NCAM2: variants seen among roughly 807,000 people sequenced by gnomAD.
NCAM2 encodes N-CAM-2.
NCAM2 carries 30 observed loss-of-function variants against 98.1 expected under a neutral mutation model. The observed-to-expected ratio is 0.31, with a 90% CI of 0.23 to 0.41. NCAM2 has a LOEUF of 0.41. Among genes scored for constraint, NCAM2 ranks in the 10% least tolerant of loss-of-function variants. NCAM2 has a pLI of 1.00. For missense variants in NCAM2, 867 were observed against 1,005.8 expected (o/e 0.86, Z 1.87); for synonymous variants, 368 against 342.4 (o/e 1.07, Z -0.83).
chr21:21,060,161 T>A (rs1379437604), intron 1 of NCAM2, among the ~76,000 whole-genome samples: 2 of 152,110 alleles, frequency 1.3e-5, no homozygotes, highest in Non-Finnish European at 2.9e-5. Flanking sequence ...CCACTGCTGT[T>A]AAATTTAATT....
chr21:21,541,050 A>T lies in NCAM2; in HGVS notation c.*3093A>T, dbSNP rs538616618. On this transcript the variant is annotated 3_prime_UTR_variant, in exon 18 of 18. Coordinates refer to ENST00000400546, the MANE Select transcript of NCAM2 (RefSeq NM_004540.5). ...ACTATAAAAGCATTTTTCAAAGGCT[A>T]TTTGATCCAGCACACTTCATATGGA... 7 of 151,840 alleles carry T rather than the reference A, an allele frequency of 4.6e-5. No homozygotes were observed. In the South Asian group the frequency reaches 1.2e-3, roughly 27 times the overall value. The allele number at this position is 151,840 out of a possible 1,614,324, so 9.4% of individuals were successfully genotyped here.
rs559558776 is a variant in NCAM2, at chr21:21,266,933, T to C, written c.56-13645T>C. On this transcript the variant is annotated intron_variant, in intron 1 of 17. Transcript: ENST00000400546. ...GAGCACACAGAGAGACATATGCAGG[T>C]TTGTTGCACAGGTAAACTTGTGTCA... 3.8e-4 allele frequency among the ~76,000 whole-genome samples: 58 copies of C among 152,166 alleles called. No individual in the cohort carries two copies. The South Asian group carries it at 0.012, about 32-fold the overall frequency.
At chr21:21,382,531 T>C (rs988058575) in intron 9 of NCAM2, among the ~76,000 whole-genome samples, 8 of 151,470 alleles carry the variant, frequency 5.3e-5, no homozygotes, top group African/African-American at 1.9e-4. Context: ...TTTTTTTTTT[T>C]TTGAGATGGA....
chr21:21,460,322 C>T (rs1160045095), intron 12 of NCAM2, among the ~76,000 whole-genome samples: 1 of 151,874 alleles, frequency 6.6e-6, no homozygotes, highest in East Asian at 1.9e-4. Flanking sequence ...GAATCATGTT[C>T]AAATCCAAAC....
At chr21:21,170,498 A>G (rs2068087545) in intron 1 of NCAM2, among the ~76,000 whole-genome samples, 1 of 152,228 alleles carries the variant, frequency 6.6e-6, no homozygotes, top group Non-Finnish European at 1.5e-5. Context: ...GATTCCAAGT[A>G]TATGAGACTC....
At chr21:21,136,317 A>G (rs1411933954) in intron 1 of NCAM2, among the ~76,000 whole-genome samples, 2 of 152,236 alleles carry the variant, frequency 1.3e-5, no homozygotes, top group Non-Finnish European at 2.9e-5. Flanking sequence ...CGATTCAGCC[A>G]TGTATCCAGA....
chr21:21,064,569 T>C (rs1486560259), intron 1 of NCAM2, among the ~76,000 whole-genome samples: 1 of 152,170 alleles, frequency 6.6e-6, no homozygotes, highest in Non-Finnish European at 1.5e-5. Context: ...ATTCTAGGAA[T>C]TGCTGTGGGA....
chr21:21,093,859 A>T (rs1458395657), intron 1 of NCAM2, among the ~76,000 whole-genome samples: 1 of 151,520 alleles, frequency 6.6e-6, no homozygotes. Flanking sequence ...TAGTTTTTTC[A>T]TTTGTGCTTC....
chr21:21,367,553 A>T (rs73894631), intron 8 of NCAM2, among the ~76,000 whole-genome samples: 226 of 152,082 alleles, frequency 1.5e-3, no homozygotes, highest in African/African-American at 5.1e-3. Context: ...AGAGTATGGG[A>T]AAGTTATTAT....
At chr21:21,106,063 G>C (rs937075467) in intron 1 of NCAM2, among the ~76,000 whole-genome samples, 2 of 151,864 alleles carry the variant, frequency 1.3e-5, no homozygotes, top group African/African-American at 4.8e-5. Flanking sequence ...TAAAAAGGCA[G>C]TATTTACCAA....
intron 1 of NCAM2, among the ~76,000 whole-genome samples, chr21:21,053,209 G>A (rs557253143): frequency 7.2e-5 from 11 of 152,160 alleles, no homozygotes; most frequent in African/African-American, 2.6e-4. Context: ...TAATGATTGT[G>A]CATTTTAATG....
chr21:21,488,691 A>G (rs1244436070), intron 15 of NCAM2, among the ~76,000 whole-genome samples: 1 of 151,864 alleles, frequency 6.6e-6, no homozygotes, highest in African/African-American at 2.4e-5. Context: ...CTAGTCATGT[A>G]AAGTTTTCTT....
chr21:21,026,396 C>T lies in NCAM2; in HGVS notation c.55+27778C>T, dbSNP rs550876099. Among the ~76,000 whole-genome samples, 19 of 152,264 alleles carry T rather than the reference C, an allele frequency of 1.2e-4. No individual in the cohort carries two copies. In the South Asian group the frequency reaches 2.3e-3, roughly 18 times the overall value. On this transcript the variant is annotated intron_variant, in intron 1 of 17. Coordinates refer to ENST00000400546, the MANE Select transcript of NCAM2 (RefSeq NM_004540.5). The stretch of plus-strand genomic sequence containing the variant: ...AAGTTAGGCCAGGCGCGGTGGCTCA[C>T]GCCTGTAATCCCAGCACTTTGGGAG...
In NCAM2 at chr21:21,532,236, ACT is replaced by A. The variant is rs747247633; in HGVS notation, c.2283-2298_2283-2297del. ...ATGCAGCATGAAAAAATAAAAGACA[ACT>A]CTAAATATTCTTTTATAGATTATAG... On this transcript the variant is annotated intron_variant, in intron 16 of 17. Coordinates refer to ENST00000400546, the MANE Select transcript of NCAM2 (RefSeq NM_004540.5). Among the ~76,000 whole-genome samples the A allele has an allele frequency of 2.2e-3, 341 of 151,956 alleles. 1 individual carries two copies. Among genetic ancestry groups the A allele is most frequent in the Non-Finnish European group, 3.8e-3 (256 of 67,922 alleles).
At chr21:21,396,811 G>T (rs2076518581) in intron 9 of NCAM2, among the ~76,000 whole-genome samples, 1 of 152,184 alleles carries the variant, frequency 6.6e-6, no homozygotes, top group African/African-American at 2.4e-5. Context: ...CCCAAAGATG[G>T]TGTTACATCA....
At chr21:21,080,975 C>T (rs1229844740) in intron 1 of NCAM2, among the ~76,000 whole-genome samples, 1 of 152,124 alleles carries the variant, frequency 6.6e-6, no homozygotes, top group African/African-American at 2.4e-5. Flanking sequence ...GAGGGCCAAG[C>T]AGGCGACTTG....
intron 5 of NCAM2, among the ~76,000 whole-genome samples, chr21:21,315,678 G>T (rs923975669): frequency 1.3e-5 from 2 of 152,154 alleles, no homozygotes; most frequent in Non-Finnish European, 2.9e-5. Flanking sequence ...CTAGAGCAGT[G>T]TTGATGACAA....
intron 1 of NCAM2, among the ~76,000 whole-genome samples, chr21:21,208,639 T>C (rs2069529623): frequency 6.6e-6 from 1 of 152,130 alleles, no homozygotes. Context: ...CCGTGAAAAC[T>C]TGAAATGTGG....
intron 1 of NCAM2, among the ~76,000 whole-genome samples, chr21:21,142,593 A>T (rs1341538785): frequency 2.0e-5 from 3 of 151,836 alleles, no homozygotes; most frequent in Non-Finnish European, 1.5e-5. Context: ...GTTAGCCAGG[A>T]TGGTCTTGAT....
Sources: gnomAD v4.1 joint callset for allele counts (sites outside exome capture counted in the v4.1 genomes callset) on GRCh38, gnomAD v4.1.1 for gene constraint, MANE v1.5 for transcripts, NCBI Gene and HGNC (gene_info 2026-07-23, HGNC 2026-07-21) for gene names.